Variants in CCND3 observed in about 807,000 individuals in gnomAD.
The protein encoded by CCND3 is G1/S-specific cyclin-D3.
In CCND3, 9 loss-of-function variants were observed where a neutral mutation model predicts 28.7. The observed-to-expected ratio is 0.31, with a 90% confidence interval of 0.19 to 0.55. The LOEUF is 0.55. CCND3 is among the 20% of genes least tolerant of loss of function. The pLI is 0.93. For synonymous variants in CCND3, 164 were observed against 163.9 expected, an observed-to-expected ratio of 1.00 and a Z score of 0.00; for missense variants, 315 against 385.8, an observed-to-expected ratio of 0.82 and a Z score of 1.54.
upstream of CCND3, among the ~76,000 whole-genome samples, chr6:41,946,085 AC>A (rs949435275): frequency 6.6e-5 from 10 of 151,798 alleles, no homozygotes; most frequent in African/African-American, 2.4e-4. Context: ...CTGGAGCCAC[AC>A]CCCTCTGCCA....
At chr6:41,947,071 A>T (rs1165865384) in intron 1 of CCND3, among the ~76,000 whole-genome samples, 2 of 149,314 alleles carry the variant, frequency 1.3e-5, no homozygotes, top group African/African-American at 5.1e-5. Context: ...TACAAAAAAA[A>T]TTAGCTGGGC....
At chr6:42,042,091 C>A (rs1181798167) in intron 1 of CCND3, among the ~76,000 whole-genome samples, 1 of 152,194 alleles carries the variant, frequency 6.6e-6, no homozygotes, top group Non-Finnish European at 1.5e-5. Context: ...ACTGTCTGAC[C>A]ACAGGCCAGA....
chr6:42,023,182 CGTAAT>C (rs1391371760), intron 1 of CCND3, among the ~76,000 whole-genome samples: 1 of 152,190 alleles, frequency 6.6e-6, no homozygotes, highest in Non-Finnish European at 1.5e-5. Context: ...TTTCAGCTCT[CGTAAT>C]GTAAACAAGT....
chr6:42,036,403 ATTTTTT>A (rs57849655), intron 1 of CCND3, among the ~76,000 whole-genome samples: 6 of 31,318 alleles, frequency 1.9e-4, no homozygotes, highest in African/African-American at 7.2e-4. Context: ...ATATATATAT[ATTTTTT>A]TTTTTTTTTT....
chr6:41,936,899 A>G lies in CCND3; in HGVS notation c.575-204T>C. The G allele has an allele frequency of 4.9e-6, 3 of 608,120 alleles. No homozygotes were observed. Among genetic ancestry groups the G allele is most frequent in the Non-Finnish European group, 8.7e-6 (3 of 346,674 alleles). 37.7% of individuals were successfully genotyped at this position (608,120 alleles called of 1,614,324 possible). A position where few individuals can be genotyped will look rare whatever the true frequency, so the allele number is the denominator to read the frequency against. Reference sequence around the variant, plus strand: ...TTCCTAGAGATCAGAACCAACTGCCAGTTTCCATAGGTCCCGGGAATAGAC... The same window carrying G: ...TTCCTAGAGATCAGAACCAACTGCCGGTTTCCATAGGTCCCGGGAATAGAC... On this transcript the variant is annotated intron_variant, in intron 3 of 4. Transcript: ENST00000372991. The surrounding 1 kb of genome is among the most constrained non-coding windows in gnomAD (Gnocchi z 4.4).
chr6:42,017,820 A>T (rs1305320044), intron 1 of CCND3, among the ~76,000 whole-genome samples: 1 of 152,210 alleles, frequency 6.6e-6, no homozygotes, highest in African/African-American at 2.4e-5. Flanking sequence ...GGAAATTTTA[A>T]CTTTTTCCAA....
At chr6:42,008,270 C>T (rs1262670520) in intron 1 of CCND3, among the ~76,000 whole-genome samples, 1 of 151,930 alleles carries the variant, frequency 6.6e-6, no homozygotes, top group African/African-American at 2.4e-5. Flanking sequence ...CCCAGCTACT[C>T]GGGAGGCTGA....
At chr6:41,968,720 G>A (rs1441798208) in intron 1 of CCND3, among the ~76,000 whole-genome samples, 2 of 152,094 alleles carry the variant, frequency 1.3e-5, no homozygotes, top group African/African-American at 2.4e-5. Context: ...TTTCTAATAC[G>A]TTGTGATTTC....
intron 1 of CCND3, among the ~76,000 whole-genome samples, chr6:42,042,408 T>C (rs1196313061): frequency 6.6e-6 from 1 of 151,234 alleles, no homozygotes; most frequent in Non-Finnish European, 1.5e-5. Flanking sequence ...TTGCCCAGAC[T>C]GGAGTGCAAT....
In CCND3 at chr6:41,937,343, T is replaced by G; in HGVS notation, c.466A>C (p.Ile156Leu). ...ATGAAGGCCAGGAAATCATGTGCAA[T>G]CACAGCAGCCAGGTCCCACTTGAGC... ...GKLKWDLAAVIAHDFLAFILH... is the reference protein window; with the variant it reads ...GKLKWDLAAVLAHDFLAFILH... The change falls in exon 3 of 5, where the codon ATT (isoleucine) becomes CTT (leucine). Residue 156 changes from isoleucine to leucine, a missense_variant. Ile to Leu is a conservative substitution (Grantham distance 5). Coordinates refer to ENST00000372991, the MANE Select transcript of CCND3 (RefSeq NM_001760.5). 1 of 1,613,990 alleles carries G rather than the reference T, an allele frequency of 6.2e-7. No homozygotes were observed. Among genetic ancestry groups the G allele is most frequent in the Non-Finnish European group, 8.5e-7 (1 of 1,179,998 alleles).
At chr6:42,042,744 A>G (rs1764411669) in intron 1 of CCND3, among the ~76,000 whole-genome samples, 1 of 152,064 alleles carries the variant, frequency 6.6e-6, no homozygotes, top group Non-Finnish European at 1.5e-5. Context: ...TGCCTCCCTC[A>G]TGGTCTGCCG....
At position 41,936,252 on chromosome 6, in the gene CCND3, C is replaced by A; in HGVS notation, c.712-145G>T. On this transcript the variant is annotated intron_variant, in intron 4 of 4. Coordinates refer to ENST00000372991, the MANE Select transcript of CCND3 (RefSeq NM_001760.5). This position sits in a 1 kb window ranked among gnomAD's most constrained non-coding sequence, Gnocchi z 4.4. ...GCCCCAGGAATCGCTCTTTAGTTCT[C>A]AGAAACTAGCAAGAGGATGTGGCAA... 4.6e-6 allele frequency: 4 copies of A among 866,834 alleles called. No individual in the cohort carries two copies. Among genetic ancestry groups the A allele is most frequent in the Non-Finnish European group, 6.9e-6 (4 of 578,772 alleles). 53.7% of individuals were successfully genotyped at this position (866,834 alleles called of 1,614,324 possible). A position where few individuals can be genotyped will look rare whatever the true frequency, so the allele number is the denominator to read the frequency against.
rs112949127 is a variant in CCND3, at chr6:42,031,492, G to A, written c.-46+17009C>T. 4 of 151,972 alleles carry A rather than the reference G, an allele frequency of 2.6e-5. No individual in the cohort carries two copies. In the East Asian group the frequency reaches 5.8e-4, roughly 22 times the overall value. 9.4% of individuals were successfully genotyped at this position (151,972 alleles called of 1,614,324 possible). A position where few individuals can be genotyped will look rare whatever the true frequency, so the allele number is the denominator to read the frequency against. Reference sequence around the variant, plus strand: ...ACTCCTTCCTGCCAACTTTACTCTCGGCACCTACTGTCCCCTGTGAGATGC... The same window carrying A: ...ACTCCTTCCTGCCAACTTTACTCTCAGCACCTACTGTCCCCTGTGAGATGC... On this transcript the variant is annotated intron_variant, in intron 1 of 4. Transcript: ENST00000372988.
chr6:41,944,690 G>C (rs1165528526), upstream of CCND3, among the ~76,000 whole-genome samples: 1 of 152,130 alleles, frequency 6.6e-6, no homozygotes, highest in Non-Finnish European at 1.5e-5. Flanking sequence ...CTAAAGTGCT[G>C]GGATTACAGG....
At position 41,990,206 on chromosome 6, in the gene CCND3, TA is replaced by T. The variant is rs74338312; in HGVS notation, c.-45-49622del. 2.8e-3 allele frequency among the ~76,000 whole-genome samples: 413 copies of T among 146,226 alleles called. 4 individuals carry two copies. Among genetic ancestry groups the T allele is most frequent in the African/African-American group, 9.2e-3 (368 of 40,048 alleles). On this transcript the variant is annotated intron_variant, in intron 1 of 4. Transcript: ENST00000372988. ...GAATGCAATTCCATTATAATAGCTC[TA>T]AAAAAAAAACCTACAAATAAATTTT...
chr6:42,044,956 C>CTTTT (rs1562002036), intron 1 of CCND3, among the ~76,000 whole-genome samples: 6 of 123,948 alleles, frequency 4.8e-5, no homozygotes, highest in Non-Finnish European at 8.2e-5. Context: ...GCCCGGCTAA[C>CTTTT]GTTTTTTTTT....
At chr6:42,000,115 G>A (rs578087614) in intron 1 of CCND3, among the ~76,000 whole-genome samples, 1 of 150,946 alleles carries the variant, frequency 6.6e-6, no homozygotes, top group South Asian at 2.1e-4. Context: ...CTACATACTA[G>A]GTCATAAAGC....
chr6:41,972,238 AAAAAAAG>A (rs1278328534), intron 1 of CCND3, among the ~76,000 whole-genome samples: 6 of 138,904 alleles, frequency 4.3e-5, no homozygotes, highest in Admixed American at 3.1e-4. Flanking sequence ...AAAAAAAAAA[AAAAAAAG>A]AAAAGAAAAG....
At chr6:41,940,124 T>A (rs997752923) in intron 2 of CCND3, among the ~76,000 whole-genome samples, 2 of 151,920 alleles carry the variant, frequency 1.3e-5, no homozygotes, top group Admixed American at 1.3e-4. Flanking sequence ...CAGGAAGGAG[T>A]GGCATCCCCT....
Sources: gnomAD v4.1 joint callset for allele counts (sites outside exome capture counted in the v4.1 genomes callset) on GRCh38, gnomAD v4.1.1 for gene constraint, Gnocchi (gnomAD v3.1) non-coding constraint, MANE v1.5 for transcripts, NCBI Gene and HGNC (gene_info 2026-07-23, HGNC 2026-07-21) for gene names.